Variants in RANBP2 observed in about 807,000 individuals in gnomAD.
RANBP2 encodes the protein E3 SUMO-protein ligase RanBP2.
Under a neutral mutation model 303.6 loss-of-function variants are expected in RANBP2, and 57 were observed. The ratio of observed to expected loss-of-function variants is 0.19; its 90% CI spans 0.15 to 0.23. RANBP2 has a LOEUF of 0.23. RANBP2 is among the 10% of genes least tolerant of loss of function. RANBP2 has a pLI of 1.00. For missense variants in RANBP2, 3,138 were observed against 3,780.8 expected, an observed-to-expected ratio of 0.83 and a Z score of 4.46; for synonymous variants, 1,167 against 1,301.5, an observed-to-expected ratio of 0.90 and a Z score of 2.23.
At chr2:108,896,940 C>T in the RANBP2 span, 12 of 1,612,782 alleles carry the variant, frequency 7.4e-6, no homozygotes, top group Non-Finnish European at 9.3e-6. Flanking sequence ...AGGCAGGTGG[C>T]ACAACCCCCG....
the RANBP2 span, among the ~76,000 whole-genome samples, chr2:108,860,851 T>C: frequency 1.3e-5 from 2 of 151,652 alleles, no homozygotes; most frequent in African/African-American, 4.8e-5. Flanking sequence ...CTCCTCGATA[T>C]TTTGGAATAG....
the RANBP2 span, among the ~76,000 whole-genome samples, chr2:109,622,183 A>G: frequency 6.6e-6 from 1 of 152,154 alleles, no homozygotes; most frequent in Admixed American, 6.6e-5. Flanking sequence ...CCTCACTTCT[A>G]CTGATGGAGA....
the RANBP2 span, chr2:109,543,182 T>G: frequency 6.6e-6 from 1 of 152,646 alleles, no homozygotes; most frequent in Non-Finnish European, 1.5e-5. Flanking sequence ...ATCTTTAATA[T>G]TCAGATGTTC....
chr2:109,637,104 G>C, the RANBP2 span, among the ~76,000 whole-genome samples: 1 of 152,172 alleles, frequency 6.6e-6, no homozygotes, highest in Non-Finnish European at 1.5e-5. Flanking sequence ...AAACATGTGA[G>C]CAATAGAATC....
the RANBP2 span, chr2:108,910,351 T>C: frequency 1.0e-4 from 89 of 886,496 alleles, no homozygotes; most frequent in South Asian, 1.2e-3. Context: ...AACGTCCCCA[T>C]AGTGTCCCAG....
At chr2:109,140,195 T>C in the RANBP2 span, among the ~76,000 whole-genome samples, 1 of 152,190 alleles carries the variant, frequency 6.6e-6, no homozygotes, top group Non-Finnish European at 1.5e-5. Context: ...TTGGTGCATA[T>C]GGGTCGATTG....
chr2:108,788,569 A>C (rs914724980), downstream of RANBP2, among the ~76,000 whole-genome samples: 2 of 151,180 alleles, frequency 1.3e-5, no homozygotes, highest in African/African-American at 4.9e-5. Context: ...AAATACAAAA[A>C]ATTAGCCGGG....
the RANBP2 span, among the ~76,000 whole-genome samples, chr2:109,302,429 A>G: frequency 1.5e-3 from 230 of 152,352 alleles, no homozygotes; most frequent in Non-Finnish European, 2.6e-3. Flanking sequence ...CTGCCATGCC[A>G]TGGAGGCAGA....
the RANBP2 span, among the ~76,000 whole-genome samples, chr2:109,185,972 C>A: frequency 8.5e-3 from 1,299 of 152,262 alleles, 28 homozygotes; most frequent in African/African-American, 0.03. Flanking sequence ...GAGGCCTGGC[C>A]TTGGCTGTCA....
the RANBP2 span, among the ~76,000 whole-genome samples, chr2:109,411,210 G>T: frequency 6.6e-6 from 1 of 152,198 alleles, no homozygotes; most frequent in Non-Finnish European, 1.5e-5. Context: ...CATTGGTTGG[G>T]GGCTGAAAGT....
chr2:109,022,339 C>G, the RANBP2 span, among the ~76,000 whole-genome samples: 4 of 152,346 alleles, frequency 2.6e-5, no homozygotes, highest in East Asian at 7.7e-4. Context: ...CTACCTTCCC[C>G]AGGGGGAGCA....
chr2:108,863,771 G>A, the RANBP2 span, among the ~76,000 whole-genome samples: 1 of 152,200 alleles, frequency 6.6e-6, no homozygotes, highest in Non-Finnish European at 1.5e-5. Flanking sequence ...GCACAAAAGA[G>A]CTTTGAAGTT....
the RANBP2 span, among the ~76,000 whole-genome samples, chr2:109,054,746 T>C: frequency 3.3e-5 from 5 of 150,770 alleles, no homozygotes; most frequent in Non-Finnish European, 7.4e-5. Context: ...GACAAATGTA[T>C]ACACCTGTGT....
chr2:108,982,004 C>T, the RANBP2 span, among the ~76,000 whole-genome samples: 67,742 of 152,180 alleles, frequency 0.45, 17,691 homozygotes, highest in South Asian at 0.6. Flanking sequence ...GGATGCTTCC[C>T]GTCCTCAAAG....
the RANBP2 span, among the ~76,000 whole-genome samples, chr2:109,081,535 C>G: frequency 1.3e-5 from 2 of 152,150 alleles, no homozygotes; most frequent in Non-Finnish European, 2.9e-5. Flanking sequence ...AAGCCTCCAT[C>G]GTGCTCAGGG....
At chr2:109,404,935 T>C in the RANBP2 span, among the ~76,000 whole-genome samples, 2 of 152,116 alleles carry the variant, frequency 1.3e-5, no homozygotes, top group African/African-American at 4.8e-5. Flanking sequence ...TCTGTGCCTC[T>C]TCTTTCCAGT....
the RANBP2 span, among the ~76,000 whole-genome samples, chr2:109,422,801 G>C: frequency 6.6e-6 from 1 of 152,156 alleles, no homozygotes; most frequent in Non-Finnish European, 1.5e-5. Context: ...CCACTTCTTC[G>C]TGGGCATCTT....
At chr2:109,610,474 G>A in the RANBP2 span, among the ~76,000 whole-genome samples, 1 of 152,176 alleles carries the variant, frequency 6.6e-6, no homozygotes, top group Non-Finnish European at 1.5e-5. Context: ...CAACACTTCG[G>A]GAGACTGAGA....
chr2:108,958,589 A>T, the RANBP2 span, among the ~76,000 whole-genome samples: 39,378 of 151,920 alleles, frequency 0.26, 9,491 homozygotes, highest in East Asian at 0.94. Flanking sequence ...AGGGCACCCC[A>T]TGGCCGCCCT....
Sources: allele counts gnomAD v4.1 joint callset (sites outside exome capture counted in the v4.1 genomes callset), GRCh38; gene constraint gnomAD v4.1.1; transcripts MANE v1.5; gene names NCBI Gene and HGNC (gene_info 2026-07-23, HGNC 2026-07-21).